Variants in BAALC observed in about 807,000 individuals in gnomAD.
BAALC encodes the protein brain and acute leukemia cytoplasmic protein.
Under a neutral mutation model 15.5 loss-of-function variants are expected in BAALC, and 9 were observed. That is an observed-to-expected ratio of 0.58 (90% CI 0.35 to 1.02). The LOEUF is 1.02. BAALC is among the 50% of genes least tolerant of loss of function. The probability of loss-of-function intolerance (pLI) is 0.02; values close to 1 mark genes in which losing one functional copy is unlikely to be tolerated. For synonymous variants in BAALC, 80 were observed against 74.6 expected, an observed-to-expected ratio of 1.07 and a Z score of -0.37; for missense variants, 201 against 192.4, an observed-to-expected ratio of 1.04 and a Z score of -0.27.
At chr8:103,192,518 C>T (rs1811994280) in intron 1 of BAALC, among the ~76,000 whole-genome samples, 1 of 151,694 alleles carries the variant, frequency 6.6e-6, no homozygotes, top group Non-Finnish European at 1.5e-5. Flanking sequence ...TTGCTTTTCC[C>T]CCTTTCTTTC....
intron 1 of BAALC, among the ~76,000 whole-genome samples, chr8:103,152,500 C>T (rs1225688280): frequency 6.6e-6 from 1 of 152,222 alleles, no homozygotes; most frequent in Non-Finnish European, 1.5e-5. Flanking sequence ...ACACCACTGC[C>T]TGTCATTGTC....
chr8:103,228,104 G>C lies in BAALC; in HGVS notation c.*5G>C. ...ACAAAGAACTGTGTCAACTAGCAGA[G>C]AGTCCAAGCAGAAGGGCAGATGGAC... On this transcript the variant is annotated 3_prime_UTR_variant, in exon 3 of 3. Coordinates refer to ENST00000309982, the MANE Select transcript of BAALC (RefSeq NM_024812.3). 6.3e-7 allele frequency: 1 copy of C among 1,587,192 alleles called. No homozygotes were observed. The highest frequency in any genetic ancestry group is 8.6e-7 in the Non-Finnish European group (1 of 1,156,420).
At chr8:103,158,328 TG>T (rs1811145074) in intron 1 of BAALC, among the ~76,000 whole-genome samples, 2 of 152,224 alleles carry the variant, frequency 1.3e-5, no homozygotes, top group Non-Finnish European at 2.9e-5. Context: ...AACAATGTAT[TG>T]TATAGAGTAG....
intron 1 of BAALC, chr8:103,153,396 T>C (rs952465445): frequency 1.3e-5 from 2 of 152,222 alleles, no homozygotes; most frequent in Non-Finnish European, 2.9e-5. Flanking sequence ...ACAATAATAA[T>C]ATTGTTTTTA....
At chr8:103,208,800 T>G (rs1021342818) in intron 1 of BAALC, among the ~76,000 whole-genome samples, 2 of 152,170 alleles carry the variant, frequency 1.3e-5, no homozygotes, top group African/African-American at 4.8e-5. Flanking sequence ...GGCCTCTCCT[T>G]GCTTCCCTGC....
At chr8:103,189,092 G>A (rs761063963) in intron 1 of BAALC, among the ~76,000 whole-genome samples, 5 of 152,194 alleles carry the variant, frequency 3.3e-5, no homozygotes, top group African/African-American at 9.7e-5. Flanking sequence ...GTGCCTGGAA[G>A]GTAGTGTGTT....
At chr8:103,185,809 G>A (rs1056028192) in intron 1 of BAALC, among the ~76,000 whole-genome samples, 7 of 152,228 alleles carry the variant, frequency 4.6e-5, no homozygotes, top group African/African-American at 1.7e-4. Context: ...TAATGAAATA[G>A]TCACAAGTGT....
rs962433652 is a variant in BAALC at position 103,140,782 on chromosome 8, G to C, written c.-116G>C. 8 of 963,988 alleles carry C rather than the reference G, an allele frequency of 8.3e-6. No individual in the cohort carries two copies. The highest frequency in any genetic ancestry group is 5.3e-5 in the African/African-American group (3 of 57,088). The allele number at this position is 963,988 out of a possible 1,614,324, so 59.7% of individuals were successfully genotyped here. A position where few individuals can be genotyped will look rare whatever the true frequency, so the allele number is the denominator to read the frequency against. On this transcript the variant is annotated 5_prime_UTR_variant, in exon 1 of 3. Transcript: ENST00000309982. The surrounding 1 kb of genome is among the most constrained non-coding windows in gnomAD (Gnocchi z 4.2). The stretch of plus-strand genomic sequence containing the variant: ...GCGCGGCTGCAGCGCGGGCGGGAGC[G>C]GGGACGCGATGTCGCCGCCGCCGCC...
In BAALC at chr8:103,178,047, G is replaced by A. The variant is rs142184544; in HGVS notation, c.161-34872G>A. Among the ~76,000 whole-genome samples the A allele has an allele frequency of 3.0e-3, 459 of 152,290 alleles. 2 individuals are homozygous for A. The highest frequency in any genetic ancestry group is 0.011 in the African/African-American group (440 of 41,552). ...TGGTGGGGAAATTAGGAACCATCTG[G>A]TCTTGTCATTGGAGCTCAGCTATCA... On this transcript the variant is annotated intron_variant, in intron 1 of 2. Coordinates refer to ENST00000309982, the MANE Select transcript of BAALC (RefSeq NM_024812.3).
At chr8:103,181,303 C>G (rs1014967992) in intron 1 of BAALC, among the ~76,000 whole-genome samples, 3 of 152,106 alleles carry the variant, frequency 2.0e-5, no homozygotes, top group Non-Finnish European at 4.4e-5. Context: ...GACAGAGTCT[C>G]GCTCTGTCGC....
rs551303091 is a variant in BAALC at position 103,197,216 on chromosome 8, C to G, written c.161-15703C>G. Among the ~76,000 whole-genome samples, 4 of 151,854 alleles carry G rather than the reference C, an allele frequency of 2.6e-5. No individual in the cohort carries two copies. In the South Asian group the frequency reaches 8.3e-4, roughly 32 times the overall value. ...TTTGTTTTAATAATGTAAGTTAACA[C>G]AAATGCACGTGAAAGGAAAGGTTTT... On this transcript the variant is annotated intron_variant, in intron 1 of 2. Coordinates refer to ENST00000309982, the MANE Select transcript of BAALC (RefSeq NM_024812.3).
At chr8:103,200,869 T>C in intron 1 of BAALC, 1 of 519,300 alleles carries the variant, frequency 1.9e-6, no homozygotes, top group Non-Finnish European at 3.6e-6. Flanking sequence ...CTCTTAATAC[T>C]ATTGCATTGG....
chr8:103,226,670 AT>A (rs1294961579), intron 2 of BAALC, among the ~76,000 whole-genome samples: 1 of 152,188 alleles, frequency 6.6e-6, no homozygotes, highest in African/African-American at 2.4e-5. Flanking sequence ...CTACAATTTA[AT>A]TAATGCTTTA....
chr8:103,177,197 T>TGTA (rs1554611400), intron 1 of BAALC, among the ~76,000 whole-genome samples: 3 of 150,884 alleles, frequency 2.0e-5, no homozygotes, highest in Non-Finnish European at 4.4e-5. Flanking sequence ...TGTTTTGTTT[T>TGTA]TTTTTTTTTG....
chr8:103,201,308 C>G (rs1323206935), intron 1 of BAALC, among the ~76,000 whole-genome samples: 4 of 152,170 alleles, frequency 2.6e-5, no homozygotes, highest in African/African-American at 7.2e-5. Flanking sequence ...GAGGACCACC[C>G]CTCATGTGCA....
intron 1 of BAALC, chr8:103,200,592 G>C (rs1812192880): frequency 1.8e-6 from 1 of 553,308 alleles, no homozygotes; most frequent in Admixed American, 2.2e-5. Context: ...GTCTTCCTCT[G>C]TTCTGGCTTA....
At chr8:103,174,723 A>G (rs1811570940) in intron 1 of BAALC, among the ~76,000 whole-genome samples, 1 of 151,908 alleles carries the variant, frequency 6.6e-6, no homozygotes, top group African/African-American at 2.4e-5. Flanking sequence ...CATACCCTGA[A>G]CTCCTCTTAG....
intron 1 of BAALC, among the ~76,000 whole-genome samples, chr8:103,149,046 T>A (rs752984232): frequency 1.3e-5 from 2 of 152,208 alleles, no homozygotes; most frequent in Admixed American, 6.5e-5. Context: ...TTCAGTGAGA[T>A]GAAGAGACTG....
chr8:103,214,207 C>T (rs993210490), intron 2 of BAALC, among the ~76,000 whole-genome samples: 1 of 152,170 alleles, frequency 6.6e-6, no homozygotes, highest in African/African-American at 2.4e-5. Context: ...ACCTCTTGGG[C>T]ATTTCTACAA....
Sources: gnomAD v4.1 joint callset for allele counts (sites outside exome capture counted in the v4.1 genomes callset) on GRCh38, gnomAD v4.1.1 for gene constraint, Gnocchi (gnomAD v3.1) non-coding constraint, MANE v1.5 for transcripts, NCBI Gene and HGNC (gene_info 2026-07-23, HGNC 2026-07-21) for gene names.